CELF2: variants seen among roughly 807,000 people sequenced by gnomAD.
CELF2 encodes CUG triplet repeat RNA-binding protein 2.
In CELF2, 8 loss-of-function variants were observed where a neutral mutation model predicts 62.6. The ratio of observed to expected loss-of-function variants is 0.13; its 90% CI spans 0.07 to 0.23. CELF2 has a LOEUF of 0.23. CELF2 is among the 10% of genes least tolerant of loss of function. The probability of loss-of-function intolerance (pLI) is 1.00; values close to 1 mark genes in which losing one functional copy is unlikely to be tolerated. For synonymous variants in CELF2, 258 were observed against 250.0 expected, an observed-to-expected ratio of 1.03 and a Z score of -0.30; for missense variants, 333 against 671.0, an observed-to-expected ratio of 0.50 and a Z score of 5.56.
chr10:10,497,191 T>TA, the CELF2 span, among the ~76,000 whole-genome samples: 1,285 of 94,048 alleles, frequency 0.014, 39 homozygotes, highest in Admixed American at 0.076. Flanking sequence ...AGACTCCATC[T>TA]AAAAAAAAAA....
rs1168932032 is a variant in CELF2 at position 11,086,578 on chromosome 10, TAAAAAAAAAAAAAAAA to T, written c.74+68432_74+68447del. 3.6e-4 allele frequency among the ~76,000 whole-genome samples: 26 copies of T among 71,984 alleles called. No homozygotes were observed. The East Asian group carries it at 3.9e-3, about 11-fold the overall frequency. The allele number at this position is 71,984 out of a possible 152,430, so 47.2% of individuals were successfully genotyped here. A position where few individuals can be genotyped will look rare whatever the true frequency, so the allele number is the denominator to read the frequency against. On this transcript the variant is annotated intron_variant, in intron 1 of 12. Transcript: ENST00000633077. ...AATCCATGTCTCCATTTGCATTTGT[TAAAAAAAAAAAAAAAA>T]AAAAAAAAAAAAAAAACTCCCGACA...
At chr10:10,959,034 A>G (rs1269720536) in intron 2 of CELF2, among the ~76,000 whole-genome samples, 1 of 152,166 alleles carries the variant, frequency 6.6e-6, no homozygotes, top group Non-Finnish European at 1.5e-5. Flanking sequence ...AGGTAGGCGG[A>G]TCTTTTGAGA....
At chr10:11,238,136 C>T (rs12098803) in intron 3 of CELF2, among the ~76,000 whole-genome samples, 8,572 of 152,256 alleles carry the variant, frequency 0.056, 335 homozygotes, top group African/African-American at 0.11. Flanking sequence ...CTTCGGAAGA[C>T]AGTTCCACAA....
intron 1 of CELF2, among the ~76,000 whole-genome samples, chr10:11,105,243 G>C (rs1006633303): frequency 6.6e-6 from 1 of 152,184 alleles, no homozygotes; most frequent in Non-Finnish European, 1.5e-5. Flanking sequence ...AGCCAGCCTG[G>C]CTGGGTTTGA....
At chr10:11,245,796 C>T (rs980754630) in intron 3 of CELF2, among the ~76,000 whole-genome samples, 8 of 152,150 alleles carry the variant, frequency 5.3e-5, no homozygotes, top group Admixed American at 4.6e-4. Context: ...TGCCTTTAGA[C>T]GAGTGTGTGT....
chr10:11,123,046 CAA>C (rs975808531), intron 1 of CELF2, among the ~76,000 whole-genome samples: 4 of 151,962 alleles, frequency 2.6e-5, no homozygotes, highest in African/African-American at 9.7e-5. Flanking sequence ...AAAATAAGGG[CAA>C]ATACATTGTA....
intron 2 of CELF2, among the ~76,000 whole-genome samples, chr10:11,170,619 G>A (rs553686200): frequency 9.2e-5 from 14 of 152,180 alleles, no homozygotes; most frequent in Admixed American, 2.0e-4. Context: ...AAGTTCTCTC[G>A]GAGGTCTGAA....
chr10:10,831,791 G>A (rs1203774663), intron 1 of CELF2, among the ~76,000 whole-genome samples: 1 of 152,184 alleles, frequency 6.6e-6, no homozygotes, highest in Non-Finnish European at 1.5e-5. Flanking sequence ...GACCAACATG[G>A]TGAAACCCTG....
At chr10:11,068,565 CTG>C (rs758016185) in intron 1 of CELF2, among the ~76,000 whole-genome samples, 21 of 125,666 alleles carry the variant, frequency 1.7e-4, no homozygotes, top group Middle Eastern at 4.3e-3. Flanking sequence ...AACATTATTT[CTG>C]TTTTTTTTTT....
intron 1 of CELF2, among the ~76,000 whole-genome samples, chr10:11,069,799 C>G (rs2069257995): frequency 6.6e-6 from 1 of 152,196 alleles, no homozygotes; most frequent in Non-Finnish European, 1.5e-5. Context: ...ATCAGCAAAA[C>G]TATGAGCCGT....
At position 11,018,064 on chromosome 10, in the gene CELF2, C is replaced by T. The variant is rs776439771; in HGVS notation, c.-26C>T. ...GGACGCGCGCAGAGCCGCCCCCCGC[C>T]GCTGCCGCCGCGTGCGCCCGCGAAC... On this transcript the variant is annotated 5_prime_UTR_variant, in exon 1 of 13. Coordinates refer to ENST00000633077, the MANE Select transcript of CELF2 (RefSeq NM_001326342.2). 2.1e-6 allele frequency: 3 copies of T among 1,419,064 alleles called. No homozygotes were observed. The Admixed American group carries it at 6.6e-5, about 31-fold the overall frequency. The allele number at this position is 1,419,064 out of a possible 1,614,324, so 87.9% of individuals were successfully genotyped here.
intron 1 of CELF2, among the ~76,000 whole-genome samples, chr10:11,103,980 T>C (rs1181200941): frequency 1.9e-5 from 2 of 107,688 alleles, no homozygotes; most frequent in African/African-American, 6.4e-5. Flanking sequence ...ATAATATTTA[T>C]GGTCAGTTCT....
intron 1 of CELF2, among the ~76,000 whole-genome samples, chr10:10,825,203 TTTTTGTTTTTTGTG>T (rs2057287306): frequency 6.6e-6 from 1 of 152,062 alleles, no homozygotes; most frequent in Non-Finnish European, 1.5e-5. Context: ...GTTTTTTTGT[TTTTTGTTTTTTGTG>T]TTTTGTTTTT....
At chr10:10,759,402 G>A in the CELF2 span, among the ~76,000 whole-genome samples, 6 of 149,142 alleles carry the variant, frequency 4.0e-5, no homozygotes, top group South Asian at 2.1e-4. Context: ...CTCTGCCTCT[G>A]GGGTTCAAGC....
intron 1 of CELF2, among the ~76,000 whole-genome samples, chr10:11,152,760 A>T (rs868618274): frequency 6.6e-6 from 1 of 152,188 alleles, no homozygotes. Context: ...TCAAACTTAC[A>T]TAACTCTTGT....
the CELF2 span, among the ~76,000 whole-genome samples, chr10:10,773,409 G>A: frequency 2.6e-5 from 4 of 152,268 alleles, no homozygotes; most frequent in East Asian, 5.8e-4. Flanking sequence ...TTAAGGCTCC[G>A]ACATTATTTG....
At position 11,117,235 on chromosome 10, in the gene CELF2, G is replaced by A. The variant is rs1472145722; in HGVS notation, c.75-48251G>A. On this transcript the variant is annotated intron_variant, in intron 1 of 12. Transcript: ENST00000633077. This position sits in a 1 kb window ranked among gnomAD's most constrained non-coding sequence, Gnocchi z 4.1. ...TAAAGGATTTAGTTGAATGCCAAATGTGTGGACTTAGAAGAACTGGCTTTG... is the reference window on the plus strand; with the variant it reads ...TAAAGGATTTAGTTGAATGCCAAATATGTGGACTTAGAAGAACTGGCTTTG... Among the ~76,000 whole-genome samples, 1 of 152,240 alleles carries A rather than the reference G, an allele frequency of 6.6e-6. No individual in the cohort carries two copies. Among genetic ancestry groups the A allele is most frequent in the Non-Finnish European group, 1.5e-5 (1 of 68,048 alleles).
intron 2 of CELF2, among the ~76,000 whole-genome samples, chr10:10,954,607 C>T (rs1235998733): frequency 4.3e-4 from 66 of 152,182 alleles, no homozygotes. Flanking sequence ...AATTCCACTT[C>T]TAGGAATTTG....
At chr10:10,721,221 C>T in the CELF2 span, among the ~76,000 whole-genome samples, 1 of 152,186 alleles carries the variant, frequency 6.6e-6, no homozygotes, top group South Asian at 2.1e-4. Flanking sequence ...AAGCCAAATG[C>T]TGGGTTTGGG....
Sources: gnomAD v4.1 joint callset for allele counts (sites outside exome capture counted in the v4.1 genomes callset) on GRCh38, gnomAD v4.1.1 for gene constraint, Gnocchi (gnomAD v3.1) non-coding constraint, MANE v1.5 for transcripts, NCBI Gene and HGNC (gene_info 2026-07-23, HGNC 2026-07-21) for gene names.